The following DAB2IP variants were observed in gnomAD, a reference collection of about 807,000 sequenced individuals.
DAB2IP encodes the protein DAB2 interacting protein.
A neutral mutation model predicts 107.2 loss-of-function variants in DAB2IP; 28 were observed. The observed-to-expected ratio is 0.26, with a 90% CI of 0.19 to 0.36. DAB2IP has a LOEUF of 0.36. Ranked by LOEUF, DAB2IP falls within the 10% of genes least tolerant of loss-of-function variation. The probability of loss-of-function intolerance (pLI) is 1.00; values close to 1 mark genes in which losing one functional copy is unlikely to be tolerated. For missense variants in DAB2IP, 1,400 were observed against 1,644.7 expected, an observed-to-expected ratio of 0.85 and a Z score of 2.57; for synonymous variants, 755 against 706.4, an observed-to-expected ratio of 1.07 and a Z score of -1.09.
chr9:121,651,813 G>A lies in DAB2IP; in HGVS notation c.38G>A (p.Arg13Lys). The A allele has an allele frequency of 6.8e-7, 1 of 1,464,218 alleles. No individual in the cohort carries two copies. Among genetic ancestry groups the A allele is most frequent in the South Asian group, 1.3e-5 (1 of 75,716 alleles). The allele number at this position is 1,464,218 out of a possible 1,614,324, so 90.7% of individuals were successfully genotyped here. A position where few individuals can be genotyped will look rare whatever the true frequency, so the allele number is the denominator to read the frequency against. The change falls in exon 1 of 16, where the codon AGG becomes AAG. Residue 13 changes from arginine (R) to lysine (K), a missense_variant. By Grantham distance (26) the Arg-to-Lys change is conservative (BLOSUM62 2). Around this residue, in one of 3 missense-constraint regions of DAB2IP, gnomAD observed 283 missense variants for 237.0 expected, o/e 1.19. Coordinates refer to ENST00000408936, the Ensembl canonical transcript of DAB2IP. The surrounding 1 kb of genome is among the most constrained non-coding windows in gnomAD (Gnocchi z 5.1). ...GGCAGCGCCAGGAAGAGCACCGGGA[G>A]GTCCTCCTACTACTACCGGCTGCTG... is the stretch of plus-strand genomic sequence containing the variant.
chr9:121,782,626 C>G lies in DAB2IP; in HGVS notation c.*128C>G. The G allele has an allele frequency of 6.6e-7, 1 of 1,504,404 alleles. No homozygotes were observed. Among genetic ancestry groups the G allele is most frequent in the Admixed American group, 2.1e-5 (1 of 47,176 alleles). The allele number at this position is 1,504,404 out of a possible 1,614,324, so 93.2% of individuals were successfully genotyped here. On this transcript the variant is annotated 3_prime_UTR_variant, in exon 16 of 16. Coordinates refer to ENST00000408936, the Ensembl canonical transcript of DAB2IP. This position sits in a 1 kb window ranked among gnomAD's most constrained non-coding sequence, Gnocchi z 6.1. ...GGTGTCAGGAGGCCGAGCCTCCCCT[C>G]CCTGCCGCTGTCCAGGAGGCGGCCG...
Position 121,760,560 on chromosome 9 carries a change from A to C in DAB2IP, c.1170+121A>C. ...CCTTGGAGGCACCGGTCACTACCAG[A>C]AGGGCTCCCTAAACCCAAAAGTTCT... is the stretch of plus-strand genomic sequence containing the variant. On this transcript the variant is annotated intron_variant, in intron 6 of 15. Coordinates refer to ENST00000408936, the Ensembl canonical transcript of DAB2IP. This position sits in a 1 kb window ranked among gnomAD's most constrained non-coding sequence, Gnocchi z 5.9. 2 of 1,271,180 alleles carry C rather than the reference A, an allele frequency of 1.6e-6. No homozygotes were observed. The highest frequency in any genetic ancestry group is 1.5e-5 in the African/African-American group (1 of 66,482). The allele number at this position is 1,271,180 out of a possible 1,614,324, so 78.7% of individuals were successfully genotyped here.
chr9:121,740,632 C>T (rs1440621777), intron 3 of DAB2IP, among the ~76,000 whole-genome samples: 1 of 152,294 alleles, frequency 6.6e-6, no homozygotes, highest in East Asian at 1.9e-4. Context: ...TTTTTGCTGG[C>T]TCTGGGGAGG....
intron 1 of DAB2IP, among the ~76,000 whole-genome samples, chr9:121,593,107 C>G (rs1249748689): frequency 6.6e-6 from 1 of 152,176 alleles, no homozygotes. Flanking sequence ...ATAATTGAGA[C>G]AGGGTCTTGT....
At chr9:121,571,965 A>T (rs1272496861) in intron 1 of DAB2IP, among the ~76,000 whole-genome samples, 1 of 142,168 alleles carries the variant, frequency 7.0e-6, no homozygotes, top group African/African-American at 2.7e-5. Context: ...TAGTTTCCCT[A>T]GGTGTAAATT....
rs182581435 is a variant in DAB2IP, at chr9:121,634,471, C to T, written c.41-44207C>T. Reference sequence around the variant, plus strand: ...GTGTACACAGGAGCCCCACCCTGAGCCACTGTGGCCCCAGGTGTCCCCTTG... The same window carrying T: ...GTGTACACAGGAGCCCCACCCTGAGTCACTGTGGCCCCAGGTGTCCCCTTG... On this transcript the variant is annotated intron_variant, in intron 1 of 16. Transcript: ENST00000259371. This position sits in a 1 kb window ranked among gnomAD's most constrained non-coding sequence, Gnocchi z 4.7. Among the ~76,000 whole-genome samples, 96 of 152,302 alleles carry T rather than the reference C, an allele frequency of 6.3e-4. No individual in the cohort carries two copies. Among genetic ancestry groups the T allele is most frequent in the African/African-American group, 2.3e-3 (95 of 41,562 alleles).
intron 1 of DAB2IP, among the ~76,000 whole-genome samples, chr9:121,601,812 TGCACCAAACTCA>T (rs903750536): frequency 6.6e-6 from 1 of 152,220 alleles, no homozygotes; most frequent in African/African-American, 2.4e-5. Context: ...GGCTGGGCTG[TGCACCAAACTCA>T]GCATCTGTAT....
At position 121,701,140 on chromosome 9, in the gene DAB2IP, G is replaced by A. The variant is rs536834907; in HGVS notation, c.362+1682G>A. On this transcript the variant is annotated intron_variant, in intron 3 of 15. Coordinates refer to ENST00000408936, the Ensembl canonical transcript of DAB2IP. This position sits in a 1 kb window ranked among gnomAD's most constrained non-coding sequence, Gnocchi z 4.7. ...TACGTACCCCGTTTTGTGTGCATGTGGTGGTTGTCCGGGGAGCAGGAGAGA... is the reference window on the plus strand; with the variant it reads ...TACGTACCCCGTTTTGTGTGCATGTAGTGGTTGTCCGGGGAGCAGGAGAGA... Among the ~76,000 whole-genome samples the A allele has an allele frequency of 1.3e-5, 2 of 152,346 alleles. No homozygotes were observed. Among genetic ancestry groups the A allele is most frequent in the South Asian group, 4.1e-4 (2 of 4,832 alleles).
At chr9:121,718,334 C>T (rs1304677522) in intron 3 of DAB2IP, among the ~76,000 whole-genome samples, 4 of 152,200 alleles carry the variant, frequency 2.6e-5, no homozygotes, top group East Asian at 1.9e-4. Flanking sequence ...CGGGGGTCCT[C>T]GGACTCTGCT....
At chr9:121,637,545 G>A (rs945220706) in intron 1 of DAB2IP, among the ~76,000 whole-genome samples, 2 of 152,160 alleles carry the variant, frequency 1.3e-5, no homozygotes, top group African/African-American at 2.4e-5. Context: ...ACATTGAGAC[G>A]TCTCAGCCAA....
intron 1 of DAB2IP, among the ~76,000 whole-genome samples, chr9:121,581,981 C>T (rs557086144): frequency 1.3e-5 from 2 of 152,260 alleles, no homozygotes; most frequent in South Asian, 2.1e-4. Flanking sequence ...GCCAAGCTGC[C>T]GGCTGGAACA....
At chr9:121,647,720 G>A (rs1439127689), upstream of DAB2IP, among the ~76,000 whole-genome samples, 1 of 151,864 alleles carries the variant, frequency 6.6e-6, no homozygotes, top group Non-Finnish European at 1.5e-5. Flanking sequence ...TTTTAAGGAG[G>A]GGGTGCTTCA....
chr9:121,766,249 T>A (rs533143103), intron 8 of DAB2IP, among the ~76,000 whole-genome samples: 1 of 152,328 alleles, frequency 6.6e-6, no homozygotes, highest in South Asian at 2.1e-4. Context: ...GGCCCTTCAC[T>A]GAGAACCCAC....
At chr9:121,611,911 A>C (rs1831110094) in intron 1 of DAB2IP, among the ~76,000 whole-genome samples, 1 of 152,222 alleles carries the variant, frequency 6.6e-6, no homozygotes, top group Admixed American at 6.5e-5. Flanking sequence ...GTGCAAAGAA[A>C]GAACACAGTA....
chr9:121,681,604 G>C (rs1828607495), intron 2 of DAB2IP, among the ~76,000 whole-genome samples: 1 of 152,224 alleles, frequency 6.6e-6, no homozygotes, highest in Non-Finnish European at 1.5e-5. Flanking sequence ...CATTTCACAG[G>C]TGAGGAAACT....
rs1051112638 is a variant in DAB2IP at position 121,599,404 on chromosome 9, C to T, written c.40+32176C>T. 6.6e-6 allele frequency among the ~76,000 whole-genome samples: 1 copy of T among 152,076 alleles called. No homozygotes were observed. The highest frequency in any genetic ancestry group is 2.4e-5 in the African/African-American group (1 of 41,446). ...GGGCGGTGGTGGGGAGGTCGATTGA[C>T]CAAACAGGTGCGCCCCCGCCCCTCT... is the stretch of plus-strand genomic sequence containing the variant. On this transcript the variant is annotated intron_variant, in intron 1 of 16. Transcript: ENST00000259371. This position sits in a 1 kb window ranked among gnomAD's most constrained non-coding sequence, Gnocchi z 6.9.
chr9:121,577,280 G>A (rs985111893), intron 1 of DAB2IP, among the ~76,000 whole-genome samples: 1 of 152,198 alleles, frequency 6.6e-6, no homozygotes, highest in Admixed American at 6.5e-5. Flanking sequence ...TCGGGAGAGT[G>A]GGGGAAGAGG....
intron 1 of DAB2IP, among the ~76,000 whole-genome samples, chr9:121,666,075 T>G (rs1833407591): frequency 6.6e-6 from 1 of 152,232 alleles, no homozygotes; most frequent in Non-Finnish European, 1.5e-5. Flanking sequence ...TCAGCAGGGC[T>G]GTATTCCTTC....
intron 1 of DAB2IP, among the ~76,000 whole-genome samples, chr9:121,610,236 G>C (rs1213312036): frequency 6.6e-6 from 1 of 152,188 alleles, no homozygotes; most frequent in African/African-American, 2.4e-5. Context: ...ACCAGAGCCA[G>C]AACCTGGTGT....
Sources: allele counts gnomAD v4.1 joint callset (sites outside exome capture counted in the v4.1 genomes callset), GRCh38; gene constraint gnomAD v4.1.1; regional missense constraint gnomAD v4.1.1; non-coding constraint Gnocchi (gnomAD v3.1); transcripts MANE v1.5; gene names NCBI Gene and HGNC (gene_info 2026-07-23, HGNC 2026-07-21).